The following PTPRN2 variants were observed in gnomAD, a reference collection of about 807,000 sequenced individuals.
PTPRN2 encodes the protein receptor-type tyrosine-protein phosphatase N2.
PTPRN2 carries 74 observed loss-of-function variants against 118.8 expected under a neutral mutation model. The ratio of observed to expected loss-of-function variants is 0.62; its 90% confidence interval spans 0.52 to 0.76. PTPRN2 has a LOEUF of 0.76. PTPRN2 is among the 30% of genes least tolerant of loss of function. PTPRN2 has a pLI of 0.00. For synonymous variants in PTPRN2, 641 were observed against 608.0 expected (o/e 1.05, Z -0.80); for missense variants, 1,481 against 1,394.4 (o/e 1.06, Z -0.99).
At chr7:157,993,242 T>C (rs921276241) in intron 11 of PTPRN2, among the ~76,000 whole-genome samples, 1 of 152,242 alleles carries the variant, frequency 6.6e-6, no homozygotes, top group Non-Finnish European at 1.5e-5. Flanking sequence ...GTTTCCTATA[T>C]CGGTGCGTAC....
intron 11 of PTPRN2, among the ~76,000 whole-genome samples, chr7:157,965,809 C>G (rs1801883884): frequency 6.6e-6 from 1 of 152,194 alleles, no homozygotes; most frequent in African/African-American, 2.4e-5. Context: ...AAGAATTGTG[C>G]TGCTTCAAAA....
At chr7:158,259,141 A>C (rs1309770512) in intron 3 of PTPRN2, among the ~76,000 whole-genome samples, 1 of 152,182 alleles carries the variant, frequency 6.6e-6, no homozygotes, top group Non-Finnish European at 1.5e-5. Flanking sequence ...TCAGTTTCCA[A>C]ATGGAGTGAC....
chr7:158,155,559 T>G (rs376627695), intron 6 of PTPRN2, among the ~76,000 whole-genome samples: 10 of 14,686 alleles, frequency 6.8e-4, no homozygotes, highest in East Asian at 2.4e-3. Flanking sequence ...AACACCATCA[T>G]CATCATTGCC....
intron 1 of PTPRN2, among the ~76,000 whole-genome samples, chr7:158,507,066 T>A (rs1822802576): frequency 6.6e-6 from 1 of 151,880 alleles, no homozygotes. Flanking sequence ...CTGAGCTAGG[T>A]TTGAAGGGTG....
intron 6 of PTPRN2, among the ~76,000 whole-genome samples, chr7:158,164,509 G>C (rs528773128): frequency 6.7e-6 from 1 of 148,384 alleles, no homozygotes; most frequent in Non-Finnish European, 1.5e-5. Context: ...CGCGCGCGTA[G>C]GGAGGGCTCA....
At chr7:157,836,655 A>G (rs1046279709) in intron 12 of PTPRN2, among the ~76,000 whole-genome samples, 1 of 151,974 alleles carries the variant, frequency 6.6e-6, no homozygotes, top group African/African-American at 2.4e-5. Context: ...ATCAAATAGT[A>G]AGCATTTTCT....
chr7:158,181,221 T>C (rs1356865580), intron 5 of PTPRN2, among the ~76,000 whole-genome samples: 1 of 152,216 alleles, frequency 6.6e-6, no homozygotes, highest in African/African-American at 2.4e-5. Context: ...TTTTTAACTG[T>C]TTATGTGACG....
intron 2 of PTPRN2, among the ~76,000 whole-genome samples, chr7:158,483,467 T>C (rs539356505): frequency 6.6e-5 from 10 of 152,350 alleles, no homozygotes; most frequent in African/African-American, 2.4e-4. Context: ...GGAGACACTC[T>C]GGATTTGAAT....
chr7:158,423,314 C>T (rs1055712821), intron 2 of PTPRN2, among the ~76,000 whole-genome samples: 1 of 152,200 alleles, frequency 6.6e-6, no homozygotes, highest in African/African-American at 2.4e-5. Flanking sequence ...GGGGGGCTTC[C>T]CTCCACCCAC....
chr7:158,488,259 C>T (rs1821173602), intron 2 of PTPRN2, among the ~76,000 whole-genome samples: 1 of 152,158 alleles, frequency 6.6e-6, no homozygotes, highest in Admixed American at 6.5e-5. Flanking sequence ...GAGTAGATGC[C>T]AGGGAGCCCC....
intron 2 of PTPRN2, among the ~76,000 whole-genome samples, chr7:158,405,659 A>C (rs1813347793): frequency 1.3e-5 from 2 of 152,242 alleles, no homozygotes; most frequent in Admixed American, 6.5e-5. Context: ...TCCAACCAAG[A>C]TCCGGCCCTC....
chr7:157,929,398 C>T lies in PTPRN2; in HGVS notation c.1724-30661G>A, dbSNP rs543460913. Among the ~76,000 whole-genome samples, 1 of 152,124 alleles carries T rather than the reference C, an allele frequency of 6.6e-6. No homozygotes were observed. On this transcript the variant is annotated intron_variant, in intron 11 of 22. Transcript: ENST00000389418. The surrounding 1 kb of genome is among the most constrained non-coding windows in gnomAD (Gnocchi z 4.4). ...TTCCTGCAGCACCGGGAGACCCTGG[C>T]GCGACTCCTGAGGGCTTCAGTCCTC...
chr7:158,355,498 G>C (rs1044116190), intron 2 of PTPRN2, among the ~76,000 whole-genome samples: 3 of 152,240 alleles, frequency 2.0e-5, no homozygotes, highest in Non-Finnish European at 4.4e-5. Flanking sequence ...TGTGTCAACA[G>C]AGAACTGAGG....
At chr7:158,429,532 G>T (rs1400001641) in intron 2 of PTPRN2, among the ~76,000 whole-genome samples, 1 of 152,214 alleles carries the variant, frequency 6.6e-6, no homozygotes, top group Non-Finnish European at 1.5e-5. Context: ...ACCCGCTGGT[G>T]ATGTGCTAGC....
At chr7:158,155,395 A>G (rs1047446023) in intron 6 of PTPRN2, among the ~76,000 whole-genome samples, 47 of 152,044 alleles carry the variant, frequency 3.1e-4, no homozygotes, top group Admixed American at 2.9e-3. Context: ...GAAGGTACAC[A>G]GTTAGCCACA....
rs183309930 is a variant in PTPRN2 at position 157,571,937 on chromosome 7, A to G, written c.2784-444T>C. Among the ~76,000 whole-genome samples, 538 of 152,318 alleles carry G rather than the reference A, an allele frequency of 3.5e-3. 2 individuals carry two copies. The highest frequency in any genetic ancestry group is 5.8e-3 in the Admixed American group (89 of 15,298). On this transcript the variant is annotated intron_variant, in intron 19 of 22. Coordinates refer to ENST00000389418, the MANE Select transcript of PTPRN2 (RefSeq NM_002847.5). ...CATCATATTGAAAACTGTTATTTCCATACTGTCTAAAAACAGCATCTTCAA... is the reference window on the plus strand; with the variant it reads ...CATCATATTGAAAACTGTTATTTCCGTACTGTCTAAAAACAGCATCTTCAA...
intron 2 of PTPRN2, among the ~76,000 whole-genome samples, chr7:158,484,084 C>T (rs964823705): frequency 6.6e-6 from 1 of 152,174 alleles, no homozygotes; most frequent in East Asian, 1.9e-4. Flanking sequence ...TTCAAGGCTG[C>T]GTTAGGCTAG....
intron 3 of PTPRN2, among the ~76,000 whole-genome samples, chr7:158,265,160 G>A (rs1797788111): frequency 6.6e-6 from 1 of 152,084 alleles, no homozygotes; most frequent in Non-Finnish European, 1.5e-5. Context: ...GCAGTGACTT[G>A]CTCAGAAACT....
At chr7:157,668,195 G>A (rs1796238823) in intron 13 of PTPRN2, among the ~76,000 whole-genome samples, 1 of 152,252 alleles carries the variant, frequency 6.6e-6, no homozygotes. Context: ...AACACAATGT[G>A]CAAAATAAGC....
Sources: allele counts gnomAD v4.1 joint callset (sites outside exome capture counted in the v4.1 genomes callset), GRCh38; gene constraint gnomAD v4.1.1; non-coding constraint Gnocchi (gnomAD v3.1); transcripts MANE v1.5; gene names NCBI Gene and HGNC (gene_info 2026-07-23, HGNC 2026-07-21).